The following PURG variants were observed in gnomAD, a reference collection of about 807,000 sequenced individuals.
PURG encodes purine-rich element-binding protein gamma.
Under a neutral mutation model 24.3 loss-of-function variants are expected in PURG, and 3 were observed. That is an observed-to-expected ratio of 0.12 (90% CI 0.06 to 0.32). The LOEUF is 0.32. Among genes scored for constraint, PURG ranks in the 10% least tolerant of loss-of-function variants. The probability of loss-of-function intolerance (pLI) is 1.00; values close to 1 mark genes in which losing one functional copy is unlikely to be tolerated. For synonymous variants in PURG, 180 were observed against 173.1 expected, an observed-to-expected ratio of 1.04 and a Z score of -0.31; for missense variants, 371 against 439.1, an observed-to-expected ratio of 0.84 and a Z score of 1.39.
chr8:31,002,682 C>T (rs371718979), intron 1 of PURG, among the ~76,000 whole-genome samples: 3 of 152,136 alleles, frequency 2.0e-5, no homozygotes, highest in African/African-American at 7.2e-5. Flanking sequence ...TGGTGTTTCA[C>T]CACGTTGGCC....
intron 1 of PURG, among the ~76,000 whole-genome samples, chr8:31,017,792 G>A (rs1032686144): frequency 1.3e-5 from 2 of 152,142 alleles, no homozygotes; most frequent in Non-Finnish European, 2.9e-5. Flanking sequence ...AGCAAACGAT[G>A]TTGCTTCTTT....
At chr8:31,016,509 A>G (rs193041500) in intron 1 of PURG, among the ~76,000 whole-genome samples, 105 of 150,326 alleles carry the variant, frequency 7.0e-4, no homozygotes, top group Non-Finnish European at 1.4e-3. Context: ...GTCATGACTG[A>G]CAGTATTTAA....
intron 1 of PURG, among the ~76,000 whole-genome samples, chr8:31,009,000 C>CAAGT (rs1248048419): frequency 6.6e-6 from 1 of 152,192 alleles, no homozygotes; most frequent in Non-Finnish European, 1.5e-5. Flanking sequence ...CGGCAAAAGG[C>CAAGT]AAGTGTGGAA....
At chr8:31,000,825 C>A (rs554151468) in intron 1 of PURG, among the ~76,000 whole-genome samples, 2 of 152,110 alleles carry the variant, frequency 1.3e-5, no homozygotes, top group Non-Finnish European at 2.9e-5. Context: ...TTGGCATCCT[C>A]ATCTTCTGAG....
At chr8:31,001,951 C>T (rs976147675) in intron 1 of PURG, among the ~76,000 whole-genome samples, 12 of 152,218 alleles carry the variant, frequency 7.9e-5, no homozygotes, top group Admixed American at 3.3e-4. Context: ...ACAACTACTT[C>T]TAAAACTCTG....
intron 1 of PURG, among the ~76,000 whole-genome samples, chr8:31,025,738 G>A (rs944457082): frequency 1.3e-5 from 2 of 151,636 alleles, no homozygotes; most frequent in African/African-American, 4.8e-5. Flanking sequence ...GATTTTTGGG[G>A]ACGGGTGCTC....
downstream of PURG, among the ~76,000 whole-genome samples, chr8:31,027,285 A>G (rs1431849990): frequency 6.6e-6 from 1 of 151,790 alleles, no homozygotes; most frequent in Non-Finnish European, 1.5e-5. Context: ...TAGTAAAGAC[A>G]GACTTCAAAC....
intron 1 of PURG, among the ~76,000 whole-genome samples, chr8:30,998,120 T>C (rs1285196018): frequency 6.6e-6 from 1 of 151,766 alleles, no homozygotes; most frequent in Non-Finnish European, 1.5e-5. Context: ...TGTCCAAAAA[T>C]TGTTCAATGA....
At chr8:31,002,094 T>A (rs1028997792) in intron 1 of PURG, among the ~76,000 whole-genome samples, 4 of 152,196 alleles carry the variant, frequency 2.6e-5, no homozygotes, top group Admixed American at 2.0e-4. Flanking sequence ...TTAACATGAA[T>A]ATGGAGACTA....
chr8:30,996,501 C>CAAG (rs1360158174), exon 2 of PURG: 1 of 878,074 alleles, frequency 1.1e-6, no homozygotes, highest in Non-Finnish European at 1.8e-6. Flanking sequence ...GGAGGAATGT[C>CAAG]AAGTACTGAG....
At chr8:31,008,203 G>A (rs566617708) in intron 1 of PURG, among the ~76,000 whole-genome samples, 6 of 152,292 alleles carry the variant, frequency 3.9e-5, no homozygotes, top group East Asian at 3.9e-4. Context: ...CATCCATTTC[G>A]TGGGTTGGGA....
At chr8:31,020,938 G>C (rs906523381) in intron 1 of PURG, among the ~76,000 whole-genome samples, 17 of 152,182 alleles carry the variant, frequency 1.1e-4, no homozygotes, top group Non-Finnish European at 2.9e-5. Flanking sequence ...CAGAAACTCT[G>C]AGCTGGGGCC....
At chr8:31,012,266 A>T (rs898136852) in intron 1 of PURG, among the ~76,000 whole-genome samples, 6 of 152,216 alleles carry the variant, frequency 3.9e-5, no homozygotes, top group Non-Finnish European at 8.8e-5. Flanking sequence ...TGTCTAAAAA[A>T]ATCTCTTGGA....
intron 1 of PURG, among the ~76,000 whole-genome samples, chr8:31,005,101 C>G (rs986897194): frequency 6.6e-6 from 1 of 152,080 alleles, no homozygotes; most frequent in Non-Finnish European, 1.5e-5. Context: ...TGGACAATCT[C>G]AAAATTATTA....
intron 1 of PURG, among the ~76,000 whole-genome samples, chr8:31,007,513 G>A (rs909292485): frequency 6.6e-6 from 1 of 152,168 alleles, no homozygotes; most frequent in Non-Finnish European, 1.5e-5. Flanking sequence ...TCTGAATGAC[G>A]TCTATATAAT....
intron 1 of PURG, among the ~76,000 whole-genome samples, chr8:30,999,402 T>C (rs1810492201): frequency 6.6e-6 from 1 of 151,886 alleles, no homozygotes; most frequent in African/African-American, 2.4e-5. Context: ...TAATTTTAAA[T>C]GGTTCTTAAA....
In PURG at chr8:31,031,976, C is replaced by T; in HGVS notation, c.807G>A (p.Val269=). 1 of 1,614,132 alleles carries T rather than the reference C, an allele frequency of 6.2e-7. No homozygotes were observed. The highest frequency in any genetic ancestry group is 8.5e-7 in the Non-Finnish European group (1 of 1,180,026). The change falls in exon 2 of 2, where the codon GTG becomes GTA. Residue 269 remains valine (V), a synonymous_variant. Coordinates refer to ENST00000523392, the MANE Select transcript of PURG (RefSeq NM_001323311.2). ...LELPEGTSFR[V]DNKRFYFDVG... Reference sequence around the variant, plus strand: ...CATCAAAGTAGAACCTTTTATTGTCCACTCTGAAAGAAGTCCCCTCTGGGA... The same window carrying T: ...CATCAAAGTAGAACCTTTTATTGTCTACTCTGAAAGAAGTCCCCTCTGGGA...
rs1181001189 is a variant in PURG, at chr8:31,031,855, A to G, written c.928T>C (p.Phe310Leu). The G allele has an allele frequency of 1.2e-6, 2 of 1,608,084 alleles. No homozygotes were observed. Among genetic ancestry groups the G allele is most frequent in the Admixed American group, 3.4e-5 (2 of 58,846 alleles). ...ITVPFKAWTR[F>L]GENFIKYEEE... Reference sequence around the variant, plus strand: ...TCATACTTGATAAAATTCTCCCCAAACCTTGTCCAAGCTTTGAATGGAACA... The same window carrying G: ...TCATACTTGATAAAATTCTCCCCAAGCCTTGTCCAAGCTTTGAATGGAACA... Residue 310 changes from phenylalanine to leucine, a missense_variant, in exon 2 of 2, where the codon TTT becomes CTT. Phe to Leu is a conservative substitution (Grantham distance 22). Transcript: ENST00000523392.
intron 1 of PURG, among the ~76,000 whole-genome samples, chr8:31,023,848 A>G (rs1811045389): frequency 6.6e-6 from 1 of 152,192 alleles, no homozygotes; most frequent in African/African-American, 2.4e-5. Flanking sequence ...AGGGACCACT[A>G]CCATGACAGC....
Sources: allele counts gnomAD v4.1 joint callset (sites outside exome capture counted in the v4.1 genomes callset), GRCh38; gene constraint gnomAD v4.1.1; transcripts MANE v1.5; gene names NCBI Gene and HGNC (gene_info 2026-07-23, HGNC 2026-07-21).